Variants in CSMD1 observed in about 807,000 individuals in gnomAD.
CSMD1 encodes the protein CUB and sushi domain-containing protein 1.
A neutral mutation model predicts 417.5 loss-of-function variants in CSMD1; 213 were observed. That is an observed-to-expected ratio of 0.51 (90% CI 0.46 to 0.57). CSMD1 has a LOEUF of 0.57. Among genes scored for constraint, CSMD1 ranks in the 20% least tolerant of loss-of-function variants. The probability of loss-of-function intolerance (pLI) is 0.00; values close to 1 mark genes in which losing one functional copy is unlikely to be tolerated. For synonymous variants in CSMD1, 2,862 were observed against 1,736.8 expected, an observed-to-expected ratio of 1.65 and a Z score of -16.11; for missense variants, 6,923 against 4,529.7, an observed-to-expected ratio of 1.53 and a Z score of -15.17.
At chr8:3,612,267 C>T (rs6985593) in intron 8 of CSMD1, among the ~76,000 whole-genome samples, 34,572 of 151,898 alleles carry the variant, frequency 0.23, 4,101 homozygotes, top group Admixed American at 0.27. Context: ...CAATTTTAAA[C>T]ATTTGCGTAC....
chr8:4,021,229 T>C (rs1300313022), intron 4 of CSMD1, among the ~76,000 whole-genome samples: 1 of 152,246 alleles, frequency 6.6e-6, no homozygotes, highest in East Asian at 1.9e-4. Flanking sequence ...AACTAGCATC[T>C]TTTGAAAATC....
intron 2 of CSMD1, among the ~76,000 whole-genome samples, chr8:4,578,744 G>T (rs1261118718): frequency 6.7e-6 from 1 of 149,842 alleles, no homozygotes; most frequent in Non-Finnish European, 1.5e-5. Context: ...AACCTGGGAG[G>T]GGGAGGTTGC....
At chr8:2,999,909 T>C in intron 53 of CSMD1, 49 bp downstream of exon 53, 4 of 1,518,848 alleles carry the variant, frequency 2.6e-6, no homozygotes, top group South Asian at 1.2e-5. Flanking sequence ...CAAAAGACAA[T>C]GTGGCAAAAG....
intron 5 of CSMD1, among the ~76,000 whole-genome samples, chr8:3,944,674 A>G (rs1308259952): frequency 6.6e-6 from 1 of 152,200 alleles, no homozygotes; most frequent in East Asian, 1.9e-4. Flanking sequence ...ATGGTGGGAA[A>G]TAAAAAGATC....
chr8:4,115,992 ATTTATTTATT>A (rs1217462547), intron 3 of CSMD1, among the ~76,000 whole-genome samples: 21 of 148,954 alleles, frequency 1.4e-4, no homozygotes, highest in Admixed American at 1.0e-3. Flanking sequence ...TTATTTATTT[ATTTATTTATT>A]TATTTATTTA....
At chr8:4,041,989 G>T (rs1026010429) in intron 3 of CSMD1, among the ~76,000 whole-genome samples, 1 of 151,910 alleles carries the variant, frequency 6.6e-6, no homozygotes, top group Non-Finnish European at 1.5e-5. Context: ...AGATTTCCAA[G>T]CAAAAACAAA....
At chr8:4,084,362 T>C (rs189144700) in intron 3 of CSMD1, among the ~76,000 whole-genome samples, 1 of 152,040 alleles carries the variant, frequency 6.6e-6, no homozygotes, top group East Asian at 1.9e-4. Flanking sequence ...CAACCATAAA[T>C]GCAATCTAGA....
Position 4,994,612 on chromosome 8 carries a change from C to A in CSMD1, c.-196G>T, listed in dbSNP as rs777162331. On this transcript the variant is annotated 5_prime_UTR_variant, in exon 1 of 70. Coordinates refer to ENST00000635120, the MANE Select transcript of CSMD1 (RefSeq NM_033225.6). The stretch of plus-strand genomic sequence containing the variant: ...CCCTCTCATAGCATCGGGTCCCGAG[C>A]CACTGCAGGGCTGAGCTGCTCCGAG... The A allele has an allele frequency of 2.5e-4, 150 of 591,880 alleles. No individual in the cohort carries two copies. The highest frequency in any genetic ancestry group is 4.1e-4 in the Non-Finnish European group (134 of 328,432). The allele number at this position is 591,880 out of a possible 1,614,324, so 36.7% of individuals were successfully genotyped here.
chr8:4,179,421 A>C (rs557298726), intron 3 of CSMD1, among the ~76,000 whole-genome samples: 1 of 152,216 alleles, frequency 6.6e-6, no homozygotes, highest in Non-Finnish European at 1.5e-5. Flanking sequence ...CTATACAAAA[A>C]TCAATTCAAG....
intron 2 of CSMD1, among the ~76,000 whole-genome samples, chr8:4,551,872 G>C (rs1227006916): frequency 2.6e-4 from 34 of 132,750 alleles, no homozygotes; most frequent in African/African-American, 5.1e-4. Flanking sequence ...TTTTTTTGTA[G>C]AGATGGGGTA....
chr8:3,807,915 A>C (rs1253536331), intron 5 of CSMD1, among the ~76,000 whole-genome samples: 1 of 152,198 alleles, frequency 6.6e-6, no homozygotes, highest in Non-Finnish European at 1.5e-5. Flanking sequence ...CACATAGAAA[A>C]AATAAATTGT....
intron 3 of CSMD1, among the ~76,000 whole-genome samples, chr8:4,124,167 G>A (rs951137550): frequency 6.6e-6 from 1 of 152,122 alleles, no homozygotes; most frequent in African/African-American, 2.4e-5. Context: ...CTGCGGAGGC[G>A]CAGGGGAGGA....
intron 1 of CSMD1, among the ~76,000 whole-genome samples, chr8:4,699,926 G>C (rs184019729): frequency 6.6e-6 from 1 of 152,286 alleles, no homozygotes; most frequent in East Asian, 1.9e-4. Context: ...TCCCTATCTG[G>C]ATACACAAGC....
At chr8:4,828,210 C>G (rs1585170535) in intron 1 of CSMD1, among the ~76,000 whole-genome samples, 1 of 152,152 alleles carries the variant, frequency 6.6e-6, no homozygotes, top group Non-Finnish European at 1.5e-5. Context: ...ACTATTGTCA[C>G]TTAATATTCT....
intron 1 of CSMD1, among the ~76,000 whole-genome samples, chr8:4,876,503 C>G (rs1225041456): frequency 6.6e-6 from 1 of 152,078 alleles, no homozygotes; most frequent in Non-Finnish European, 1.5e-5. Flanking sequence ...TTGCTTTTAA[C>G]AAGACTATGT....
At chr8:4,328,228 T>C (rs1847570) in intron 3 of CSMD1, among the ~76,000 whole-genome samples, 87,349 of 148,608 alleles carry the variant, frequency 0.59, 26,248 homozygotes, top group Admixed American at 0.73. Flanking sequence ...CCCAATTACA[T>C]TGCACTCAAT....
chr8:4,042,512 C>G (rs1014416676), intron 3 of CSMD1, among the ~76,000 whole-genome samples: 1 of 151,898 alleles, frequency 6.6e-6, no homozygotes, highest in Non-Finnish European at 1.5e-5. Context: ...ACTGAAAGCC[C>G]GTCACTAGCA....
chr8:3,858,815 G>T (rs1406333293), intron 5 of CSMD1, among the ~76,000 whole-genome samples: 1 of 152,052 alleles, frequency 6.6e-6, no homozygotes, highest in African/African-American at 2.4e-5. Flanking sequence ...ATGTTATCGG[G>T]AAATAACATG....
At chr8:3,844,050 A>G (rs1327379870) in intron 5 of CSMD1, among the ~76,000 whole-genome samples, 1 of 152,186 alleles carries the variant, frequency 6.6e-6, no homozygotes, top group East Asian at 1.9e-4. Context: ...ATGTTAATAT[A>G]ATTAAATTTC....
Sources: allele counts gnomAD v4.1 joint callset (sites outside exome capture counted in the v4.1 genomes callset), GRCh38; gene constraint gnomAD v4.1.1; transcripts MANE v1.5; gene names NCBI Gene and HGNC (gene_info 2026-07-23, HGNC 2026-07-21).